The following PCNX4 variants were observed in gnomAD, a reference collection of about 807,000 sequenced individuals.
The protein encoded by PCNX4 is pecanex 4.
PCNX4 carries 103 observed loss-of-function variants against 107.2 expected under a neutral mutation model. That is an observed-to-expected ratio of 0.96 (90% CI 0.82 to 1.13). The LOEUF (loss-of-function observed/expected upper bound fraction) is 1.13, where lower values mean the gene tolerates loss of function less well. Ranked by LOEUF, PCNX4 falls within the 50% of genes most tolerant of loss-of-function variation. The pLI is 0.00. For missense variants in PCNX4, 1,528 were observed against 1,379.4 expected (o/e 1.11, Z -1.71); for synonymous variants, 541 against 481.7 (o/e 1.12, Z -1.61).
At chr14:60,112,816 AATTTT>A (rs1486032171) in intron 2 of PCNX4, among the ~76,000 whole-genome samples, 1 of 152,220 alleles carries the variant, frequency 6.6e-6, no homozygotes, top group Non-Finnish European at 1.5e-5. Flanking sequence ...GAATGAAATG[AATTTT>A]ATTTTAACAA....
Position 60,143,408 on chromosome 14 carries a change from A to G in PCNX4, c.*9187A>G, listed in dbSNP as rs1896329982. ...TCCAGTTTTCATCACTGGTCACGCA[A>G]GAGTCCTCTCTTTATTATATTTTAT... On this transcript the variant is annotated 3_prime_UTR_variant, in exon 11 of 11. Coordinates refer to ENST00000406854, the MANE Select transcript of PCNX4 (RefSeq NM_001330177.2). 6.6e-6 allele frequency: 1 copy of G among 152,182 alleles called. No individual in the cohort carries two copies. The highest frequency in any genetic ancestry group is 6.5e-5 in the Admixed American group (1 of 15,280). The allele number at this position is 152,182 out of a possible 1,614,324, so 9.4% of individuals were successfully genotyped here.
chr14:60,107,845 C>CTATT lies in PCNX4; in HGVS notation c.208_211dup (p.Tyr71LeufsTer46), dbSNP rs1566931631. On this transcript the variant is annotated frameshift_variant, in exon 2 of 11. Coordinates refer to ENST00000406854, the MANE Select transcript of PCNX4 (RefSeq NM_001330177.2). LOFTEE classifies it high-confidence loss of function. ...TATACCAGTTAGGCATCCTGAAAGA[C>CTATT]TATTATACAGCAGCACTTTCAGGTG... is the stretch of plus-strand genomic sequence containing the variant. 1 of 1,612,690 alleles carries CTATT rather than the reference C, an allele frequency of 6.2e-7. No homozygotes were observed. Among genetic ancestry groups the CTATT allele is most frequent in the East Asian group, 2.2e-5 (1 of 44,878 alleles).
intron 1 of PCNX4, among the ~76,000 whole-genome samples, chr14:60,104,057 A>T (rs376597645): frequency 6.6e-6 from 1 of 152,302 alleles, no homozygotes; most frequent in Non-Finnish European, 1.5e-5. Flanking sequence ...GCAGTGGCTC[A>T]CGCCTGTAAT....
At chr14:60,126,760 A>T (rs1896062406) in intron 10 of PCNX4, among the ~76,000 whole-genome samples, 1 of 152,162 alleles carries the variant, frequency 6.6e-6, no homozygotes. Flanking sequence ...CCAAGTAAAG[A>T]TTCCCTTCTG....
In PCNX4 at chr14:60,136,200, C is replaced by G. The variant is rs1896237946; in HGVS notation, c.*1979C>G. The G allele has an allele frequency of 6.6e-6, 1 of 152,060 alleles. No individual in the cohort carries two copies. The highest frequency in any genetic ancestry group is 2.4e-5 in the African/African-American group (1 of 41,402). The allele number at this position is 152,060 out of a possible 1,614,324, so 9.4% of individuals were successfully genotyped here. ...TGACACATTTGACCATTCCTTGAAG[C>G]AGCTTTTGTGTTTTCTTTTGAACTT... On this transcript the variant is annotated 3_prime_UTR_variant, in exon 11 of 11. Transcript: ENST00000406854.
Position 60,140,351 on chromosome 14 carries a change from T to C in PCNX4, c.*6130T>C, listed in dbSNP as rs1331593219. 1.3e-5 allele frequency: 2 copies of C among 152,184 alleles called. No individual in the cohort carries two copies. The highest frequency in any genetic ancestry group is 1.9e-4 in the East Asian group (1 of 5,194). The allele number at this position is 152,184 out of a possible 1,614,324, so 9.4% of individuals were successfully genotyped here. ...CTATCTGCTAAAGAAGTGGAACCTA[T>C]AGTTACTTTATTTGCTTTTCCATAG... is the stretch of plus-strand genomic sequence containing the variant. On this transcript the variant is annotated 3_prime_UTR_variant, in exon 11 of 11. Coordinates refer to ENST00000406854, the MANE Select transcript of PCNX4 (RefSeq NM_001330177.2). The surrounding 1 kb of genome is among the most constrained non-coding windows in gnomAD (Gnocchi z 4.2).
At chr14:60,112,959 G>A (rs1050456689) in intron 2 of PCNX4, among the ~76,000 whole-genome samples, 18 of 152,178 alleles carry the variant, frequency 1.2e-4, no homozygotes, top group Middle Eastern at 3.2e-3. Context: ...CGAGGCAGGC[G>A]GATAACGAGG....
At position 60,145,338 on chromosome 14, in the gene PCNX4, A is replaced by G. The variant is rs1896370921; in HGVS notation, c.*11117A>G. 5.5e-6 allele frequency: 1 copy of G among 180,308 alleles called. No homozygotes were observed. Among genetic ancestry groups the G allele is most frequent in the Admixed American group, 6.2e-5 (1 of 16,256 alleles). 11.2% of individuals were successfully genotyped at this position (180,308 alleles called of 1,614,324 possible). Reference sequence around the variant, plus strand: ...CTGACTTGCCCTAATAAATAAAAACAATGAGTCAGATTATGTAGAATTGAG... The same window carrying G: ...CTGACTTGCCCTAATAAATAAAAACGATGAGTCAGATTATGTAGAATTGAG... On this transcript the variant is annotated 3_prime_UTR_variant, in exon 11 of 11. Coordinates refer to ENST00000406854, the MANE Select transcript of PCNX4 (RefSeq NM_001330177.2). The surrounding 1 kb of genome is among the most constrained non-coding windows in gnomAD (Gnocchi z 4.0).
Position 60,140,476 on chromosome 14 carries a change from T to G in PCNX4, c.*6255T>G, listed in dbSNP as rs1428965505. On this transcript the variant is annotated 3_prime_UTR_variant, in exon 11 of 11. Coordinates refer to ENST00000406854, the MANE Select transcript of PCNX4 (RefSeq NM_001330177.2). The surrounding 1 kb of genome is among the most constrained non-coding windows in gnomAD (Gnocchi z 4.2). ...TGCAGGAACCCTCCCCAACTCATTT[T>G]ATGATGCCAGAAAACCTAGATACCA... 6.6e-6 allele frequency: 1 copy of G among 152,176 alleles called. No individual in the cohort carries two copies. Among genetic ancestry groups the G allele is most frequent in the Non-Finnish European group, 1.5e-5 (1 of 68,022 alleles). The allele number at this position is 152,176 out of a possible 1,614,324, so 9.4% of individuals were successfully genotyped here.
Position 60,137,813 on chromosome 14 carries a change from G to A in PCNX4, c.*3592G>A, listed in dbSNP as rs1896256788. On this transcript the variant is annotated 3_prime_UTR_variant, in exon 11 of 11. Transcript: ENST00000406854. ...GTTTAAGAATTCAGTGAATAGGCCG[G>A]GCGCGGTGGCTCACGCCTGTAATCC... The A allele has an allele frequency of 6.6e-6, 1 of 152,158 alleles. No homozygotes were observed. Among genetic ancestry groups the A allele is most frequent in the Non-Finnish European group, 1.5e-5 (1 of 68,060 alleles). 9.4% of individuals were successfully genotyped at this position (152,158 alleles called of 1,614,324 possible).
In PCNX4 at chr14:60,118,602, G is replaced by T; in HGVS notation, c.1852G>T (p.Ala618Ser). Reference protein sequence around the residue: ...QSWPGAAGTTACVCADTVYYY... With the variant: ...QSWPGAAGTTSCVCADTVYYY... ...TTGGCCAGGAGCAGCAGGCACCACA[G>T]CCTGTGTGTGTGCAGATACAGTGTA... The change falls in exon 7 of 11, where the codon GCC (alanine) becomes TCC (serine). Residue 618 changes from alanine (A) to serine (S), a missense_variant. Coordinates refer to ENST00000406854, the MANE Select transcript of PCNX4 (RefSeq NM_001330177.2). 6.2e-7 allele frequency: 1 copy of T among 1,613,796 alleles called. No homozygotes were observed. Among genetic ancestry groups the T allele is most frequent in the Non-Finnish European group, 8.5e-7 (1 of 1,179,832 alleles).
chr14:60,140,294 CA>C lies in PCNX4; in HGVS notation c.*6076del, dbSNP rs1314285264. Reference sequence around the variant, plus strand: ...TAAACTATGGAAGAGCCAAAATTGACAAATGAAAAAATAGAAAATTCGAGTA... The same window carrying C: ...TAAACTATGGAAGAGCCAAAATTGACAATGAAAAAATAGAAAATTCGAGTA... On this transcript the variant is annotated 3_prime_UTR_variant, in exon 11 of 11. Transcript: ENST00000406854. This position sits in a 1 kb window ranked among gnomAD's most constrained non-coding sequence, Gnocchi z 4.2. 1 of 151,938 alleles carries C rather than the reference CA, an allele frequency of 6.6e-6. No individual in the cohort carries two copies. The highest frequency in any genetic ancestry group is 1.5e-5 in the Non-Finnish European group (1 of 67,994). The allele number at this position is 151,938 out of a possible 1,614,324, so 9.4% of individuals were successfully genotyped here.
chr14:60,108,341 A>G lies in PCNX4; in HGVS notation c.689+14A>G, dbSNP rs1895671632. On this transcript the variant is annotated intron_variant, in intron 2 of 10. Transcript: ENST00000406854. ...TCTGGCACACAGGTAAAAACCTACC[A>G]AATACTTTGTAACTAACTTTGTTTT... is the stretch of plus-strand genomic sequence containing the variant. The G allele has an allele frequency of 6.4e-7, 1 of 1,556,976 alleles. No individual in the cohort carries two copies. The highest frequency in any genetic ancestry group is 1.4e-5 in the African/African-American group (1 of 72,680).
At chr14:60,116,670 TTTA>T in intron 6 of PCNX4, among the ~76,000 whole-genome samples, 1 of 152,320 alleles carries the variant, frequency 6.6e-6, no homozygotes, top group East Asian at 1.9e-4. Flanking sequence ...TACTGTGCTT[TTTA>T]TTATTTTAGA....
intron 10 of PCNX4, among the ~76,000 whole-genome samples, chr14:60,132,671 A>C (rs184338908): frequency 6.6e-6 from 1 of 152,194 alleles, no homozygotes; most frequent in East Asian, 1.9e-4. Context: ...TAAAAAGACA[A>C]CTCACAGAAT....
chr14:60,130,117 C>T (rs1453242812), intron 10 of PCNX4, among the ~76,000 whole-genome samples: 2 of 151,840 alleles, frequency 1.3e-5, no homozygotes, highest in Admixed American at 6.6e-5. Context: ...GCAGGTGAAT[C>T]ACTTGAGTCC....
intron 2 of PCNX4, among the ~76,000 whole-genome samples, chr14:60,112,912 G>C (rs531823589): frequency 3.3e-5 from 5 of 152,290 alleles, no homozygotes; most frequent in Admixed American, 2.0e-4. Flanking sequence ...GTCCAGGCGC[G>C]GTGGCTCACG....
At chr14:60,093,203 T>C (rs1895344049) in intron 1 of PCNX4, among the ~76,000 whole-genome samples, 1 of 152,226 alleles carries the variant, frequency 6.6e-6, no homozygotes. Flanking sequence ...AGGGAAGCTT[T>C]TTCTTTTTTA....
At chr14:60,096,055 A>C (rs1895417934) in intron 1 of PCNX4, among the ~76,000 whole-genome samples, 1 of 152,236 alleles carries the variant, frequency 6.6e-6, no homozygotes, top group Non-Finnish European at 1.5e-5. Context: ...TATTATTCCT[A>C]ATATAAGCAA....
Sources: allele counts gnomAD v4.1 joint callset (sites outside exome capture counted in the v4.1 genomes callset), GRCh38; gene constraint gnomAD v4.1.1; non-coding constraint Gnocchi (gnomAD v3.1); transcripts MANE v1.5; gene names NCBI Gene and HGNC (gene_info 2026-07-23, HGNC 2026-07-21).